Variants in FSHR observed in about 807,000 individuals in gnomAD.
FSHR encodes the protein follicle-stimulating hormone receptor.
FSHR carries 46 observed loss-of-function variants against 52.1 expected under a neutral mutation model. The observed-to-expected ratio is 0.88, with a 90% confidence interval of 0.70 to 1.13. The LOEUF is 1.13. Ranked by LOEUF, FSHR falls within the 50% of genes most tolerant of loss-of-function variation. FSHR has a pLI of 0.00. For synonymous variants in FSHR, 399 were observed against 309.6 expected (o/e 1.29, Z -3.03); for missense variants, 964 against 834.6 (o/e 1.16, Z -1.91).
intron 1 of FSHR, among the ~76,000 whole-genome samples, chr2:49,082,038 T>A (rs1040651126): frequency 6.6e-6 from 1 of 152,174 alleles, no homozygotes; most frequent in Non-Finnish European, 1.5e-5. Flanking sequence ...GATGGCCGAA[T>A]AGGAACAGCT....
intron 1 of FSHR, among the ~76,000 whole-genome samples, 166 bp from the exon 2 acceptor site, chr2:49,068,456 A>C (rs1205093673): frequency 6.6e-6 from 1 of 152,046 alleles, no homozygotes; most frequent in South Asian, 2.1e-4. Flanking sequence ...ACAACTAGTG[A>C]TACTGAAACT....
intron 8 of FSHR, among the ~76,000 whole-genome samples, chr2:48,975,204 G>A (rs974738183): frequency 2.0e-5 from 3 of 152,128 alleles, no homozygotes; most frequent in Non-Finnish European, 4.4e-5. Context: ...CCCTCACCCA[G>A]AAGCTGGGTA....
chr2:49,021,861 C>CTATA (rs1338377124), intron 2 of FSHR, among the ~76,000 whole-genome samples: 46 of 43,418 alleles, frequency 1.1e-3, no homozygotes, highest in Admixed American at 3.4e-3. Flanking sequence ...CTCTCTCTCT[C>CTATA]TCTATATATA....
chr2:49,003,674 C>G (rs988537157), intron 4 of FSHR, among the ~76,000 whole-genome samples: 1 of 152,006 alleles, frequency 6.6e-6, no homozygotes, highest in Non-Finnish European at 1.5e-5. Context: ...GGGGCGAGGA[C>G]CAGGTGCAAG....
At chr2:49,126,455 T>C (rs1279498581) in intron 1 of FSHR, among the ~76,000 whole-genome samples, 1 of 152,162 alleles carries the variant, frequency 6.6e-6, no homozygotes, top group Non-Finnish European at 1.5e-5. Flanking sequence ...ACCTAGACAC[T>C]TCCCATTAGG....
intron 4 of FSHR, chr2:49,014,828 G>T (rs1000908086): frequency 2.2e-6 from 1 of 449,652 alleles, no homozygotes; most frequent in South Asian, 1.7e-5. Context: ...GATAGTTTAT[G>T]AATGAAAGTG....
chr2:49,057,384 G>A (rs927281425), intron 2 of FSHR, among the ~76,000 whole-genome samples: 2 of 151,900 alleles, frequency 1.3e-5, no homozygotes, highest in Non-Finnish European at 2.9e-5. Flanking sequence ...AAAATACAAA[G>A]GATCATTAAA....
chr2:48,983,503 G>C (rs910996749), intron 6 of FSHR, among the ~76,000 whole-genome samples: 3 of 152,152 alleles, frequency 2.0e-5, no homozygotes, highest in African/African-American at 7.2e-5. Flanking sequence ...TGCGGGGAGC[G>C]ACAGATCTTT....
chr2:48,976,610 C>G (rs1315522914), intron 8 of FSHR, among the ~76,000 whole-genome samples: 2 of 152,088 alleles, frequency 1.3e-5, no homozygotes, highest in African/African-American at 4.8e-5. Flanking sequence ...TCTGTCTGGT[C>G]CTGGGCTTTT....
chr2:49,087,365 G>A (rs1468971560), intron 1 of FSHR, among the ~76,000 whole-genome samples: 2 of 151,984 alleles, frequency 1.3e-5, no homozygotes, highest in African/African-American at 4.8e-5. Flanking sequence ...AGCCAGAGAG[G>A]GGAGTCCAAG....
chr2:49,073,794 C>A (rs1385211517), intron 1 of FSHR, among the ~76,000 whole-genome samples: 1 of 151,990 alleles, frequency 6.6e-6, no homozygotes, highest in Non-Finnish European at 1.5e-5. Flanking sequence ...AAATATACTA[C>A]AAAGCTATAG....
chr2:49,150,350 C>T lies in FSHR; in HGVS notation c.152+3916G>A, dbSNP rs555337821. ...TAAACTACCTCAGAGTTATAAAGATCTTTATATCAATTTTCCAAAATCAGT... is the reference window on the plus strand; with the variant it reads ...TAAACTACCTCAGAGTTATAAAGATTTTTATATCAATTTTCCAAAATCAGT... On this transcript the variant is annotated intron_variant, in intron 1 of 9. Transcript: ENST00000406846. Among the ~76,000 whole-genome samples, 85 of 152,160 alleles carry T rather than the reference C, an allele frequency of 5.6e-4. 1 individual carries two copies. In the South Asian group the frequency reaches 0.018, roughly 32 times the overall value.
At chr2:49,014,097 AAC>A (rs1667396976) in intron 4 of FSHR, among the ~76,000 whole-genome samples, 1 of 152,096 alleles carries the variant, frequency 6.6e-6, no homozygotes, top group Non-Finnish European at 1.5e-5. Flanking sequence ...GACCATGAGA[AAC>A]AAATGTTTAT....
At chr2:49,144,740 G>A (rs554476998) in intron 1 of FSHR, among the ~76,000 whole-genome samples, 1 of 152,224 alleles carries the variant, frequency 6.6e-6, no homozygotes, top group African/African-American at 2.4e-5. Context: ...AATTAGCTTT[G>A]ATGGGTACAT....
At chr2:49,083,530 A>G (rs1351574126) in intron 1 of FSHR, among the ~76,000 whole-genome samples, 2 of 146,530 alleles carry the variant, frequency 1.4e-5, no homozygotes, top group African/African-American at 2.5e-5. Context: ...AAATGCTCCA[A>G]TTAAAAGACA....
intron 1 of FSHR, among the ~76,000 whole-genome samples, chr2:49,145,209 C>T (rs1672827750): frequency 6.6e-6 from 1 of 152,110 alleles, no homozygotes; most frequent in Admixed American, 6.6e-5. Context: ...TCTTTTCTAC[C>T]TTCTGTGTTA....
intron 2 of FSHR, among the ~76,000 whole-genome samples, chr2:49,040,022 T>A (rs1221962368): frequency 6.6e-6 from 1 of 152,170 alleles, no homozygotes; most frequent in Non-Finnish European, 1.5e-5. Context: ...TCCAAAAGCA[T>A]TTCCAAAAGA....
intron 2 of FSHR, among the ~76,000 whole-genome samples, chr2:49,045,021 G>A (rs1668604885): frequency 6.6e-6 from 1 of 152,154 alleles, no homozygotes; most frequent in Non-Finnish European, 1.5e-5. Flanking sequence ...GTGACTAATT[G>A]TACTAAAAAC....
intron 1 of FSHR, among the ~76,000 whole-genome samples, chr2:49,082,869 T>C (rs1340017319): frequency 2.6e-5 from 4 of 152,066 alleles, no homozygotes; most frequent in South Asian, 2.1e-4. Context: ...CTACGTCTGA[T>C]TGGTGTACCT....
Sources: allele counts gnomAD v4.1 joint callset (sites outside exome capture counted in the v4.1 genomes callset), GRCh38; gene constraint gnomAD v4.1.1; transcripts MANE v1.5; gene names NCBI Gene and HGNC (gene_info 2026-07-23, HGNC 2026-07-21).